WBP1L: variants seen among roughly 807,000 people sequenced by gnomAD.
WBP1L encodes WW domain binding protein 1-like.
A neutral mutation model predicts 33.7 loss-of-function variants in WBP1L; 17 were observed. The observed-to-expected ratio is 0.50, with a 90% CI of 0.34 to 0.76. The LOEUF is 0.76. Ranked by LOEUF, WBP1L falls within the 30% of genes least tolerant of loss-of-function variation. The pLI, the probability that WBP1L is intolerant of heterozygous loss-of-function variation, is 0.01. For missense variants in WBP1L, 389 were observed against 469.4 expected (o/e 0.83, Z 1.58); for synonymous variants, 173 against 190.8 (o/e 0.91, Z 0.77).
chr10:102,755,742 A>G (rs112843509), intron 1 of WBP1L, among the ~76,000 whole-genome samples: 2 of 152,248 alleles, frequency 1.3e-5, no homozygotes, highest in African/African-American at 4.8e-5. Context: ...TAACAATGTT[A>G]AATAATAGAT....
At chr10:102,769,363 T>C (rs1419786107) in intron 1 of WBP1L, among the ~76,000 whole-genome samples, 1 of 151,062 alleles carries the variant, frequency 6.6e-6, no homozygotes, top group Non-Finnish European at 1.5e-5. Flanking sequence ...TTTCTTTCTT[T>C]TTTTTTTTTT....
chr10:102,772,742 G>A (rs1843208253), intron 1 of WBP1L, among the ~76,000 whole-genome samples: 1 of 149,356 alleles, frequency 6.7e-6, no homozygotes, highest in Non-Finnish European at 1.5e-5. Context: ...GCTAATTTTT[G>A]TATTTTCTGT....
At chr10:102,757,321 G>A (rs916976675) in intron 1 of WBP1L, among the ~76,000 whole-genome samples, 1 of 152,186 alleles carries the variant, frequency 6.6e-6, no homozygotes, top group African/African-American at 2.4e-5. Flanking sequence ...CGCACCCAGC[G>A]ATACTATTAT....
chr10:102,784,282 C>T (rs904884109), intron 1 of WBP1L, among the ~76,000 whole-genome samples: 2 of 152,040 alleles, frequency 1.3e-5, no homozygotes, highest in African/African-American at 4.8e-5. Context: ...AAGCCAGGTA[C>T]CTATTGCTGT....
chr10:102,767,708 C>T (rs915185887), intron 1 of WBP1L, among the ~76,000 whole-genome samples: 4 of 151,934 alleles, frequency 2.6e-5, no homozygotes, highest in African/African-American at 9.7e-5. Context: ...CCAACCTCTG[C>T]AATAAAACAA....
Position 102,743,958 on chromosome 10 carries a change from A to G in WBP1L, c.-96A>G. 1.0e-6 allele frequency: 1 copy of G among 998,762 alleles called. No homozygotes were observed. The highest frequency in any genetic ancestry group is 1.5e-6 in the Non-Finnish European group (1 of 681,562). The allele number at this position is 998,762 out of a possible 1,614,324, so 61.9% of individuals were successfully genotyped here. A position where few individuals can be genotyped will look rare whatever the true frequency, so the allele number is the denominator to read the frequency against. On this transcript the variant is annotated 5_prime_UTR_variant, in exon 1 of 4. Coordinates refer to ENST00000448841, the MANE Select transcript of WBP1L (RefSeq NM_001083913.2). Reference sequence around the variant, plus strand: ...AAGCGGGAGGGGAGCGTCAAACAGGAAAAGAAGGGAAGAAGGAAGAAGAGG... The same window carrying G: ...AAGCGGGAGGGGAGCGTCAAACAGGGAAAGAAGGGAAGAAGGAAGAAGAGG...
chr10:102,789,747 C>CA, intron 1 of WBP1L, among the ~76,000 whole-genome samples: 1 of 138,220 alleles, frequency 7.2e-6, no homozygotes, highest in East Asian at 2.0e-4. Context: ...AATTTTGTAT[C>CA]TTTTTTTTTT....
At chr10:102,760,378 T>TTC (rs112322962) in intron 1 of WBP1L, among the ~76,000 whole-genome samples, 326 of 104,144 alleles carry the variant, frequency 3.1e-3, no homozygotes, top group Middle Eastern at 0.015. Context: ...CTTTCTTTCT[T>TTC]TTTTTTTTTT....
chr10:102,776,410 T>G (rs1843263378), intron 1 of WBP1L: 1 of 1,614,182 alleles, frequency 6.2e-7, no homozygotes, highest in East Asian at 2.2e-5. Flanking sequence ...CTTTTGGGTC[T>G]TAGACAGGTA....
At chr10:102,799,753 TC>T (rs930488234) in intron 2 of WBP1L, among the ~76,000 whole-genome samples, 1 of 151,208 alleles carries the variant, frequency 6.6e-6, no homozygotes, top group South Asian at 2.1e-4. Flanking sequence ...CCCTTTCTCA[TC>T]CCCCCCATCA....
chr10:102,763,563 G>C (rs1418533653), intron 1 of WBP1L, among the ~76,000 whole-genome samples: 1 of 152,144 alleles, frequency 6.6e-6, no homozygotes. Context: ...AAGAGACCTG[G>C]AACAATTTAG....
chr10:102,805,674 C>CTTGAGACCAGAGTTTGT (rs1843722497), intron 2 of WBP1L, among the ~76,000 whole-genome samples: 1 of 151,442 alleles, frequency 6.6e-6, no homozygotes, highest in Non-Finnish European at 1.5e-5. Flanking sequence ...AGGGGGATTG[C>CTTGAGACCAGAGTTTGT]TTGAGACCAG....
intron 1 of WBP1L, chr10:102,746,186 T>C (rs192383322): frequency 2.0e-6 from 2 of 984,868 alleles, no homozygotes; most frequent in East Asian, 2.3e-4. Context: ...GTTGTGAACA[T>C]GTGGAAGGGG....
At position 102,788,267 on chromosome 10, in the gene WBP1L, G is replaced by A. The variant is rs543745944; in HGVS notation, c.91-9726G>A. Among the ~76,000 whole-genome samples the A allele has an allele frequency of 1.9e-4, 29 of 150,406 alleles. No individual in the cohort carries two copies. The East Asian group carries it at 5.4e-3, about 28-fold the overall frequency. Reference sequence around the variant, plus strand: ...CCTCAGCCTCCCGAGTAGCTACCACGCCCGGCTAATTTTTTGCATTTTTTA... The same window carrying A: ...CCTCAGCCTCCCGAGTAGCTACCACACCCGGCTAATTTTTTGCATTTTTTA... On this transcript the variant is annotated intron_variant, in intron 1 of 3. Coordinates refer to ENST00000448841, the MANE Select transcript of WBP1L (RefSeq NM_001083913.2).
chr10:102,804,078 AGC>A (rs1843697448), intron 2 of WBP1L: 1 of 152,134 alleles, frequency 6.6e-6, no homozygotes, highest in Admixed American at 6.5e-5. Context: ...TTTGAAATCT[AGC>A]TAAAAGATTA....
At chr10:102,757,169 G>A (rs1842986387) in intron 1 of WBP1L, among the ~76,000 whole-genome samples, 1 of 152,028 alleles carries the variant, frequency 6.6e-6, no homozygotes, top group African/African-American at 2.4e-5. Flanking sequence ...GATTACAGAT[G>A]TGAGCCACCA....
rs200510026 is a variant in WBP1L at position 102,758,541 on chromosome 10, AATACTT to A, written c.90+14399_90+14404del. 3.7e-3 allele frequency among the ~76,000 whole-genome samples: 567 copies of A among 152,320 alleles called. 13 individuals are homozygous for A. The highest frequency in any genetic ancestry group is 0.027 in the Admixed American group (406 of 15,292). On this transcript the variant is annotated intron_variant, in intron 1 of 3. Transcript: ENST00000448841. ...GTTCATCCATGTTGTAGCATGTATCAATACTTCATACCTTTTTATGGTCAATTAATG... is the reference window on the plus strand; with the variant it reads ...GTTCATCCATGTTGTAGCATGTATCACATACCTTTTTATGGTCAATTAATG...
chr10:102,811,340 C>G (rs1283305426), intron 3 of WBP1L, among the ~76,000 whole-genome samples: 1 of 152,112 alleles, frequency 6.6e-6, no homozygotes, highest in Non-Finnish European at 1.5e-5. Context: ...ATTGGGACTT[C>G]TGAGCACCAA....
At chr10:102,776,929 C>T (rs149191505) in intron 1 of WBP1L, among the ~76,000 whole-genome samples, 30 of 152,090 alleles carry the variant, frequency 2.0e-4, no homozygotes, top group African/African-American at 5.3e-4. Flanking sequence ...AGCTGAGGGA[C>T]GTTCCCGACG....
Sources: gnomAD v4.1 joint callset for allele counts (sites outside exome capture counted in the v4.1 genomes callset) on GRCh38, gnomAD v4.1.1 for gene constraint, MANE v1.5 for transcripts, NCBI Gene and HGNC (gene_info 2026-07-23, HGNC 2026-07-21) for gene names.